Variants in CLIC5 observed in about 807,000 individuals in gnomAD.
CLIC5 encodes chloride intracellular channel protein 5.
Under a neutral mutation model 24.7 loss-of-function variants are expected in CLIC5, and 20 were observed. The ratio of observed to expected loss-of-function variants is 0.81; its 90% confidence interval spans 0.57 to 1.18. The LOEUF is 1.18. CLIC5 is among the 50% of genes most tolerant of loss of function. CLIC5 has a pLI of 0.00. For synonymous variants in CLIC5, 159 were observed against 135.6 expected (o/e 1.17, Z -1.20); for missense variants, 341 against 326.1 (o/e 1.05, Z -0.35).
chr6:46,120,290 G>T, the CLIC5 span, among the ~76,000 whole-genome samples: 1 of 152,216 alleles, frequency 6.6e-6, no homozygotes, highest in Non-Finnish European at 1.5e-5. Flanking sequence ...TCGCTGTTCT[G>T]CAGCCTCCAC....
At chr6:45,958,320 G>C (rs953277377) in intron 1 of CLIC5, among the ~76,000 whole-genome samples, 46 of 150,966 alleles carry the variant, frequency 3.0e-4, no homozygotes, top group African/African-American at 1.1e-3. Context: ...TGAACTTCTG[G>C]CCTCCAGAAC....
intron 6 of CLIC5, among the ~76,000 whole-genome samples, chr6:45,893,155 C>A (rs1762367288): frequency 6.6e-6 from 1 of 151,458 alleles, no homozygotes; most frequent in South Asian, 2.1e-4. Flanking sequence ...ACATTCATCA[C>A]CTTTCTCCTA....
At chr6:45,976,544 G>T (rs1246591863) in intron 1 of CLIC5, among the ~76,000 whole-genome samples, 2 of 152,188 alleles carry the variant, frequency 1.3e-5, no homozygotes, top group Non-Finnish European at 2.9e-5. Flanking sequence ...TTTAATAAAG[G>T]TTGGTGCAAA....
At chr6:46,038,694 T>A (rs1234626577) in intron 1 of CLIC5, among the ~76,000 whole-genome samples, 1 of 152,224 alleles carries the variant, frequency 6.6e-6, no homozygotes, top group African/African-American at 2.4e-5. Context: ...GGAGATTCTC[T>A]CTAGCACTCT....
At chr6:46,008,877 C>G (rs532843488) in intron 1 of CLIC5, among the ~76,000 whole-genome samples, 2 of 152,284 alleles carry the variant, frequency 1.3e-5, no homozygotes, top group East Asian at 3.9e-4. Flanking sequence ...GAAGTAGCGA[C>G]TGGACCATAT....
intron 4 of CLIC5, among the ~76,000 whole-genome samples, chr6:45,936,845 G>A (rs1284837743): frequency 6.6e-6 from 1 of 152,188 alleles, no homozygotes; most frequent in African/African-American, 2.4e-5. Context: ...TCCCCAAGTA[G>A]CACCTGACTT....
At chr6:45,985,356 T>C (rs1481723052) in intron 1 of CLIC5, among the ~76,000 whole-genome samples, 1 of 152,222 alleles carries the variant, frequency 6.6e-6, no homozygotes, top group Admixed American at 6.5e-5. Flanking sequence ...AATCTAAAAG[T>C]TGCTGTGCCA....
the CLIC5 span, among the ~76,000 whole-genome samples, chr6:46,088,744 T>C: frequency 6.6e-6 from 1 of 152,236 alleles, no homozygotes; most frequent in African/African-American, 2.4e-5. Context: ...AATACTCAAA[T>C]ACTAGCTAAT....
At chr6:45,952,288 T>A (rs907553034) in intron 2 of CLIC5, among the ~76,000 whole-genome samples, 16 of 152,238 alleles carry the variant, frequency 1.1e-4, no homozygotes, top group Non-Finnish European at 1.9e-4. Context: ...TGAGACTATA[T>A]CATTAGCATT....
At chr6:46,122,401 T>A in the CLIC5 span, among the ~76,000 whole-genome samples, 1 of 152,022 alleles carries the variant, frequency 6.6e-6, no homozygotes, top group Non-Finnish European at 1.5e-5. Context: ...AGACACAACA[T>A]ACCAGAATCT....
At chr6:46,108,105 A>G in the CLIC5 span, among the ~76,000 whole-genome samples, 1 of 151,272 alleles carries the variant, frequency 6.6e-6, no homozygotes, top group Non-Finnish European at 1.5e-5. Flanking sequence ...GGAAAATTAT[A>G]AGACGTTAAA....
intron 4 of CLIC5, among the ~76,000 whole-genome samples, chr6:45,924,766 T>C (rs1336007456): frequency 1.3e-5 from 2 of 151,580 alleles, no homozygotes; most frequent in African/African-American, 2.4e-5. Context: ...ACAGAGCCCA[T>C]ATATATATAT....
At chr6:45,934,668 T>C (rs1763866685) in intron 4 of CLIC5, among the ~76,000 whole-genome samples, 1 of 152,198 alleles carries the variant, frequency 6.6e-6, no homozygotes, top group Non-Finnish European at 1.5e-5. Context: ...TCAGCGTGAA[T>C]AGAGCAGGAG....
At chr6:45,920,745 A>C in intron 4 of CLIC5, 6 of 758,300 alleles carry the variant, frequency 7.9e-6, no homozygotes, top group Non-Finnish European at 9.6e-6. Flanking sequence ...CCAAAGATCC[A>C]GGAGCAAGCG....
chr6:45,928,513 G>A (rs559971207), intron 4 of CLIC5, among the ~76,000 whole-genome samples: 24 of 152,282 alleles, frequency 1.6e-4, no homozygotes, highest in Admixed American at 1.0e-3. Flanking sequence ...AACCAACTGT[G>A]ATACTTTCAA....
intron 3 of CLIC5, among the ~76,000 whole-genome samples, chr6:45,944,189 A>G (rs192521711): frequency 6.6e-6 from 1 of 152,214 alleles, no homozygotes; most frequent in East Asian, 1.9e-4. Context: ...TCAAGCTAAC[A>G]ATGGTTTTCA....
intron 2 of CLIC5, among the ~76,000 whole-genome samples, chr6:45,951,697 C>T (rs565171599): frequency 7.9e-5 from 12 of 152,142 alleles, no homozygotes; most frequent in African/African-American, 2.9e-4. Context: ...TGGGATTCAC[C>T]CCAAATGCTC....
At chr6:45,947,927 T>C (rs1291043462) in intron 3 of CLIC5, among the ~76,000 whole-genome samples, 1 of 152,216 alleles carries the variant, frequency 6.6e-6, no homozygotes, top group Admixed American at 6.5e-5. Flanking sequence ...ATAAGCTGAC[T>C]GAATATGGAT....
At chr6:46,019,675 A>G (rs1277912214), upstream of CLIC5, among the ~76,000 whole-genome samples, 6 of 143,552 alleles carry the variant, frequency 4.2e-5, no homozygotes, top group Non-Finnish European at 6.1e-5. Context: ...CCTGGGCGAC[A>G]GAGCGAGACT....
Sources: gnomAD v4.1 joint callset for allele counts (sites outside exome capture counted in the v4.1 genomes callset) on GRCh38, gnomAD v4.1.1 for gene constraint, MANE v1.5 for transcripts, NCBI Gene and HGNC (gene_info 2026-07-23, HGNC 2026-07-21) for gene names.